Variants in UGDH observed in about 807,000 individuals in gnomAD.
UGDH encodes the protein UDP-glucose 6-dehydrogenase.
Under a neutral mutation model 50.6 loss-of-function variants are expected in UGDH, and 38 were observed. That is an observed-to-expected ratio of 0.75 (90% CI 0.58 to 0.98). The LOEUF (loss-of-function observed/expected upper bound fraction) is 0.98, where lower values mean the gene tolerates loss of function less well. UGDH is among the 50% of genes least tolerant of loss of function. The pLI is 0.00. For synonymous variants in UGDH, 168 were observed against 199.9 expected, an observed-to-expected ratio of 0.84 and a Z score of 1.35; for missense variants, 465 against 606.2, an observed-to-expected ratio of 0.77 and a Z score of 2.45.
chr4:39,510,068 T>C (rs1308135180), intron 5 of UGDH, among the ~76,000 whole-genome samples, 161 bp from the exon 6 acceptor site: 1 of 152,178 alleles, frequency 6.6e-6, no homozygotes, highest in Non-Finnish European at 1.5e-5. Flanking sequence ...AAAGGGAAAA[T>C]GTTTTAAATT....
chr4:39,526,826 C>T (rs573898459), intron 1 of UGDH, among the ~76,000 whole-genome samples: 23 of 152,238 alleles, frequency 1.5e-4, no homozygotes, highest in Admixed American at 6.5e-4. Context: ...TTTCTGGCTT[C>T]GTTTCTCTTT....
chr4:39,510,646 C>T lies in UGDH; in HGVS notation c.465+15G>A. The T allele has an allele frequency of 6.2e-7, 1 of 1,614,192 alleles. No individual in the cohort carries two copies. Among genetic ancestry groups the T allele is most frequent in the Non-Finnish European group, 8.5e-7 (1 of 1,180,032 alleles). On this transcript the variant is annotated intron_variant, in intron 4 of 11. Coordinates refer to ENST00000316423, the MANE Select transcript of UGDH (RefSeq NM_003359.4). ...ACATAAGAATAACCAGATTCTAATG[C>T]TTCATTTTTTATACCTGTAAATTCA...
chr4:39,518,699 A>G (rs1746529094), intron 2 of UGDH, among the ~76,000 whole-genome samples: 1 of 151,746 alleles, frequency 6.6e-6, no homozygotes, highest in Admixed American at 6.6e-5. Flanking sequence ...GGCTCAAGCA[A>G]TCCTCTCGCC....
intron 9 of UGDH, 44 bp from the exon 10 acceptor site, chr4:39,504,552 T>A: frequency 6.6e-7 from 1 of 1,519,032 alleles, no homozygotes; most frequent in South Asian, 1.2e-5. Flanking sequence ...AAGAAAGGAG[T>A]TATATGACAT....
intron 2 of UGDH, among the ~76,000 whole-genome samples, chr4:39,515,336 G>T (rs1359928289): frequency 2.0e-5 from 3 of 152,092 alleles, no homozygotes; most frequent in African/African-American, 7.2e-5. Context: ...ATATGATTTT[G>T]CATTGTCATT....
chr4:39,514,055 A>C (rs1365015248), intron 3 of UGDH, 28 bp downstream of exon 3: 2 of 1,533,042 alleles, frequency 1.3e-6, no homozygotes, highest in South Asian at 2.4e-5. Context: ...AATACATTAA[A>C]ATTCACACAA....
chr4:39,521,655 G>C, intron 1 of UGDH, 136 bp from the exon 2 acceptor site: 1 of 681,380 alleles, frequency 1.5e-6, no homozygotes, highest in Non-Finnish European at 2.2e-6. Context: ...TCGCTCTGAG[G>C]AATTATGGAA....
intron 7 of UGDH, 85 bp downstream of exon 7, chr4:39,508,481 G>T: frequency 7.5e-7 from 1 of 1,325,920 alleles, no homozygotes; most frequent in Non-Finnish European, 1.1e-6. Flanking sequence ...TGATGCTCTT[G>T]CCTTGGCTTC....
In UGDH at chr4:39,498,948, A is replaced by G. The variant is rs1745688022; in HGVS notation, c.*1195T>C. 6.6e-6 allele frequency: 1 copy of G among 152,210 alleles called. No homozygotes were observed. The highest frequency in any genetic ancestry group is 1.5e-5 in the Non-Finnish European group (1 of 68,046). The allele number at this position is 152,210 out of a possible 1,614,324, so 9.4% of individuals were successfully genotyped here. On this transcript the variant is annotated 3_prime_UTR_variant, in exon 12 of 12. Coordinates refer to ENST00000316423, the MANE Select transcript of UGDH (RefSeq NM_003359.4). ...AAGGGACATTGGATATATTTTAATA[A>G]TGATCTAACACAAGCAAAAATAACC... is the stretch of plus-strand genomic sequence containing the variant.
At chr4:39,519,686 G>A (rs535126947) in intron 2 of UGDH, among the ~76,000 whole-genome samples, 9 of 151,928 alleles carry the variant, frequency 5.9e-5, no homozygotes, top group South Asian at 2.1e-4. Flanking sequence ...TTATAGGTGC[G>A]CACCACTGCA....
At chr4:39,507,793 T>A (rs1048518895) in intron 7 of UGDH, among the ~76,000 whole-genome samples, 4 of 151,888 alleles carry the variant, frequency 2.6e-5, no homozygotes, top group Non-Finnish European at 4.4e-5. Flanking sequence ...ACAAACAAAA[T>A]TTTTTAAATA....
chr4:39,527,364 C>T lies in UGDH; in HGVS notation c.-89G>A. ...CTTCCTACGGGCCGCGCCGCCGCAG[C>T]TTCTCCACCCGCGCCCCGCTCGATC... On this transcript the variant is annotated 5_prime_UTR_variant, in exon 1 of 12. Coordinates refer to ENST00000316423, the MANE Select transcript of UGDH (RefSeq NM_003359.4). 1 of 248,780 alleles carries T rather than the reference C, an allele frequency of 4.0e-6. No homozygotes were observed. Among genetic ancestry groups the T allele is most frequent in the Non-Finnish European group, 8.2e-6 (1 of 121,684 alleles). The allele number at this position is 248,780 out of a possible 1,614,324, so 15.4% of individuals were successfully genotyped here.
chr4:39,503,882 C>A lies in UGDH; in HGVS notation c.1367G>T (p.Gly456Val), dbSNP rs753344592. ...DGLHNELQTI[G>V]FQIETIGKKV... ...ATCCAGGATCATGATTACCTGGAAG[C>A]CAATGGTTTGTAGTTCATTGTGGAG... Residue 456 changes from glycine to valine, a missense_variant, in exon 11 of 12, where the codon GGC (glycine) becomes GTC (valine). Coordinates refer to ENST00000316423, the MANE Select transcript of UGDH (RefSeq NM_003359.4). The A allele has an allele frequency of 1.1e-5, 18 of 1,613,638 alleles. No individual in the cohort carries two copies. The highest frequency in any genetic ancestry group is 1.5e-5 in the Non-Finnish European group (18 of 1,179,824).
chr4:39,500,233 CT>C lies in UGDH; in HGVS notation c.1394del (p.Lys465ArgfsTer38). On this transcript the variant is annotated frameshift_variant, in exon 12 of 12. Transcript: ENST00000316423. LOFTEE classifies it high-confidence loss of function. ...IGFQIETIGK[K>X]VSSKRIPYAP... ...CATATGGAATTCTCTTTGAAGACAC[CT>C]TTTTGCCAATTGTTTCAATCTGAAA... The C allele has an allele frequency of 1.3e-6, 2 of 1,590,798 alleles. No homozygotes were observed. Among genetic ancestry groups the C allele is most frequent in the Admixed American group, 3.4e-5 (2 of 58,252 alleles).
intron 1 of UGDH, among the ~76,000 whole-genome samples, chr4:39,525,807 C>T (rs1746864398): frequency 6.6e-6 from 1 of 152,150 alleles, no homozygotes. Flanking sequence ...CCACGCCCGG[C>T]CCCCATTTTC....
chr4:39,523,240 C>A (rs1244653230), intron 1 of UGDH, among the ~76,000 whole-genome samples: 1 of 151,858 alleles, frequency 6.6e-6, no homozygotes, highest in East Asian at 1.9e-4. Flanking sequence ...TTAGTAGAGA[C>A]AGGGTTTTGC....
chr4:39,507,902 C>T (rs1746088048), intron 7 of UGDH, among the ~76,000 whole-genome samples: 1 of 145,632 alleles, frequency 6.9e-6, no homozygotes, highest in South Asian at 2.1e-4. Context: ...GCGATGGCAC[C>T]ACTGCATTCT....
At position 39,510,485 on chromosome 4, in the gene UGDH, T is replaced by C. The variant is rs750711785; in HGVS notation, c.531A>G (p.Arg177=). ...GAGTTTCATCCCCTCCAATCAGTACTCTGTCTGGGTTCTTTAGGTCCTTGA... is the reference window on the plus strand; with the variant it reads ...GAGTTTCATCCCCTCCAATCAGTACCCTGTCTGGGTTCTTTAGGTCCTTGA... The part of the protein sequence containing the change: ...TAIKDLKNPD[R]VLIGGDETPE... The change falls in exon 5 of 12, where the codon AGA becomes AGG. Residue 177 remains arginine, a synonymous_variant. Coordinates refer to ENST00000316423, the MANE Select transcript of UGDH (RefSeq NM_003359.4). The C allele has an allele frequency of 6.2e-7, 1 of 1,614,160 alleles. No individual in the cohort carries two copies. Among genetic ancestry groups the C allele is most frequent in the Admixed American group, 1.7e-5 (1 of 60,010 alleles).
In UGDH at chr4:39,514,170, T is replaced by G. The variant is rs765143424; in HGVS notation, c.177A>C (p.Glu59Asp). ...TTTTTCCTCGACAGGATTCTACCAC[T>G]TCTTTTAGTCCTGGCTAAAAAGAAA... ...TLPIYEPGLK[E>D]VVESCRGKNL... Residue 59 changes from glutamate to aspartate, a missense_variant, in exon 3 of 12, where the codon GAA (glutamate) becomes GAC (aspartate). By Grantham distance (45) the Glu-to-Asp change is conservative (BLOSUM62 2). Coordinates refer to ENST00000316423, the MANE Select transcript of UGDH (RefSeq NM_003359.4). 4 of 1,582,254 alleles carry G rather than the reference T, an allele frequency of 2.5e-6. No individual in the cohort carries two copies. In the African/African-American group the frequency reaches 5.7e-5, roughly 22 times the overall value.
Sources: gnomAD v4.1 joint callset for allele counts (sites outside exome capture counted in the v4.1 genomes callset) on GRCh38, gnomAD v4.1.1 for gene constraint, MANE v1.5 for transcripts, NCBI Gene and HGNC (gene_info 2026-07-23, HGNC 2026-07-21) for gene names.